The following ABCC4 variants were observed in gnomAD, a reference collection of about 807,000 sequenced individuals.
The protein encoded by ABCC4 is ATP-binding cassette sub-family C member 4.
Under a neutral mutation model 168.5 loss-of-function variants are expected in ABCC4, and 102 were observed. The observed-to-expected ratio is 0.61, with a 90% CI of 0.52 to 0.71. The LOEUF (loss-of-function observed/expected upper bound fraction) is 0.71, where lower values mean the gene tolerates loss of function less well. ABCC4 is among the 30% of genes least tolerant of loss of function. The pLI, the probability that ABCC4 is intolerant of heterozygous loss-of-function variation, is 0.00. For missense variants in ABCC4, 1,402 were observed against 1,605.8 expected, an observed-to-expected ratio of 0.87 and a Z score of 2.17; for synonymous variants, 617 against 590.7, an observed-to-expected ratio of 1.04 and a Z score of -0.65.
chr13:95,088,870 A>G (rs2034341660), intron 20 of ABCC4, among the ~76,000 whole-genome samples: 1 of 152,034 alleles, frequency 6.6e-6, no homozygotes, highest in Non-Finnish European at 1.5e-5. Context: ...ATGATTAAAT[A>G]GAAAACTAAT....
chr13:95,073,407 T>G, intron 23 of ABCC4, 103 bp from the exon 24 acceptor site: 1 of 721,218 alleles, frequency 1.4e-6, no homozygotes, highest in Admixed American at 2.7e-5. Context: ...GTTGAAACAA[T>G]TCACATTTAA....
Position 95,213,126 on chromosome 13 carries a change from T to TAA in ABCC4, c.532-2347_532-2346dup, listed in dbSNP as rs11370564. On this transcript the variant is annotated intron_variant, in intron 4 of 30. Transcript: ENST00000645237. ...TCGGCGACTGAGCAAGATTCCATCT[T>TAA]AAAAAAAAAAAAAGAGGAAGACACA... 9.6e-4 allele frequency among the ~76,000 whole-genome samples: 142 copies of TAA among 147,808 alleles called. 1 individual carries two copies. Among genetic ancestry groups the TAA allele is most frequent in the Middle Eastern group, 3.5e-3 (1 of 282 alleles).
At chr13:95,203,428 T>A (rs1253959522) in intron 8 of ABCC4, among the ~76,000 whole-genome samples, 6 of 151,604 alleles carry the variant, frequency 4.0e-5, no homozygotes, top group Non-Finnish European at 8.8e-5. Flanking sequence ...CCTCCACTTT[T>A]TGGGTTCAAG....
chr13:95,218,743 C>T (rs1329441096), intron 4 of ABCC4, among the ~76,000 whole-genome samples: 2 of 151,520 alleles, frequency 1.3e-5, no homozygotes. Context: ...CCCAGCTACT[C>T]AGGAGGCTGA....
intron 20 of ABCC4, among the ~76,000 whole-genome samples, chr13:95,084,638 GT>G (rs4148531): frequency 1.8e-4 from 27 of 147,580 alleles, no homozygotes; most frequent in Non-Finnish European, 2.4e-4. Flanking sequence ...GTCTAACAGG[GT>G]TTTTTTTTTA....
At chr13:95,023,774 C>T (rs1374982330) in intron 30 of ABCC4, among the ~76,000 whole-genome samples, 1 of 152,216 alleles carries the variant, frequency 6.6e-6, no homozygotes, top group Non-Finnish European at 1.5e-5. Flanking sequence ...CCCTCTGGTG[C>T]ATCTTTTATC....
At chr13:95,279,293 T>C (rs888095983) in intron 1 of ABCC4, among the ~76,000 whole-genome samples, 13 of 152,226 alleles carry the variant, frequency 8.5e-5, no homozygotes, top group African/African-American at 3.1e-4. Context: ...TGACTTTCAA[T>C]CTCTAAGCTG....
At chr13:95,116,762 T>C (rs1355498592) in intron 19 of ABCC4, among the ~76,000 whole-genome samples, 4 of 152,214 alleles carry the variant, frequency 2.6e-5, no homozygotes, top group Non-Finnish European at 5.9e-5. Context: ...TTCTAATAAA[T>C]ATCTATTCTT....
chr13:95,275,506 T>C (rs1347291275), intron 1 of ABCC4, among the ~76,000 whole-genome samples: 1 of 152,060 alleles, frequency 6.6e-6, no homozygotes, highest in Non-Finnish European at 1.5e-5. Flanking sequence ...CCCATCCCCT[T>C]GTTGGCTTTG....
chr13:95,062,604 A>C (rs1751033), intron 26 of ABCC4, 100 bp downstream of exon 26: 908,599 of 1,113,104 alleles, frequency 0.82, 371,486 homozygotes, highest in South Asian at 0.9. Context: ...GAAAAAAAAA[A>C]CAATCCTTTC....
At chr13:95,223,315 C>T (rs752218292) in intron 4 of ABCC4, among the ~76,000 whole-genome samples, 10 of 152,124 alleles carry the variant, frequency 6.6e-5, no homozygotes, top group Non-Finnish European at 1.5e-4. Flanking sequence ...AGAAAGCAGT[C>T]TTCATAATAA....
At chr13:95,151,319 T>C (rs907740750) in intron 19 of ABCC4, among the ~76,000 whole-genome samples, 1 of 151,734 alleles carries the variant, frequency 6.6e-6, no homozygotes, top group Admixed American at 6.6e-5. Flanking sequence ...CTACTAAAAA[T>C]ACAAAATCAG....
chr13:95,075,497 A>G lies in ABCC4; in HGVS notation c.2741T>C (p.Ile914Thr). 1.9e-6 allele frequency: 3 copies of G among 1,614,108 alleles called. No homozygotes were observed. The highest frequency in any genetic ancestry group is 2.5e-6 in the Non-Finnish European group (3 of 1,179,990). The part of the protein sequence containing the change: ...LSSSLQGLWT[I>T]RAYKAEERCQ... ...CCTCTCTTCTGCTTTGTATGCCCGG[A>G]TGGTCCAGAGCCCCTGGAGAGAAGA... The change falls in exon 22 of 31, where the codon ATC becomes ACC. Residue 914 changes from isoleucine to threonine, a missense_variant. Transcript: ENST00000645237.
intron 30 of ABCC4, among the ~76,000 whole-genome samples, chr13:95,029,203 T>G (rs1412820090): frequency 2.9e-4 from 17 of 57,756 alleles, no homozygotes; most frequent in South Asian, 7.4e-4. Flanking sequence ...TATATATATA[T>G]ATATATATAT....
At chr13:95,036,125 A>G (rs1182875474) in intron 29 of ABCC4, among the ~76,000 whole-genome samples, 1 of 152,240 alleles carries the variant, frequency 6.6e-6, no homozygotes, top group Non-Finnish European at 1.5e-5. Context: ...TAAGCATAGC[A>G]TTACAGAACA....
chr13:95,086,192 T>A (rs1232399443), intron 20 of ABCC4, among the ~76,000 whole-genome samples: 2 of 150,980 alleles, frequency 1.3e-5, no homozygotes, highest in Non-Finnish European at 2.9e-5. Context: ...ACTTCTCAGC[T>A]CAAAAAGAAG....
chr13:95,122,755 T>C (rs1469131175), intron 19 of ABCC4, among the ~76,000 whole-genome samples: 2 of 152,192 alleles, frequency 1.3e-5, no homozygotes, highest in Non-Finnish European at 2.9e-5. Flanking sequence ...CTCAGGAACC[T>C]GCCACTAATG....
At chr13:95,087,208 A>G (rs1257273223) in intron 20 of ABCC4, among the ~76,000 whole-genome samples, 2 of 152,296 alleles carry the variant, frequency 1.3e-5, no homozygotes, top group Middle Eastern at 3.4e-3. Context: ...TGAGACTAAA[A>G]CAAAAAACAA....
intron 1 of ABCC4, among the ~76,000 whole-genome samples, chr13:95,260,078 G>A (rs1331853713): frequency 6.6e-6 from 1 of 152,184 alleles, no homozygotes; most frequent in Non-Finnish European, 1.5e-5. Flanking sequence ...GGAACTCTGA[G>A]AGTGGGGCCC....
Sources: allele counts gnomAD v4.1 joint callset (sites outside exome capture counted in the v4.1 genomes callset), GRCh38; gene constraint gnomAD v4.1.1; transcripts MANE v1.5; gene names NCBI Gene and HGNC (gene_info 2026-07-23, HGNC 2026-07-21).